The following LRP1B variants were observed in gnomAD, a reference collection of about 807,000 sequenced individuals.
The protein encoded by LRP1B is low-density lipoprotein receptor-related protein 1B.
Under a neutral mutation model 556.6 loss-of-function variants are expected in LRP1B, and 217 were observed. That is an observed-to-expected ratio of 0.39 (90% CI 0.35 to 0.44). The LOEUF is 0.44. Ranked by LOEUF, LRP1B falls within the 20% of genes least tolerant of loss-of-function variation. The pLI is 1.00. For synonymous variants in LRP1B, 2,047 were observed against 1,865.8 expected (o/e 1.10, Z -2.50); for missense variants, 5,053 against 5,620.8 (o/e 0.90, Z 3.23).
At chr2:140,873,227 G>C (rs1012587870) in intron 25 of LRP1B, among the ~76,000 whole-genome samples, 4 of 151,972 alleles carry the variant, frequency 2.6e-5, no homozygotes, top group Admixed American at 2.6e-4. Context: ...ATTTGCCATA[G>C]GGGTTACAAA....
intron 41 of LRP1B, among the ~76,000 whole-genome samples, chr2:140,664,423 C>T (rs1172777428): frequency 2.0e-5 from 3 of 151,964 alleles, no homozygotes; most frequent in African/African-American, 4.8e-5. Flanking sequence ...AGGAATTTCT[C>T]TGTTCAACTA....
At chr2:140,556,451 T>C (rs2105064962) in intron 43 of LRP1B, among the ~76,000 whole-genome samples, 1 of 152,066 alleles carries the variant, frequency 6.6e-6, no homozygotes, top group Admixed American at 6.6e-5. Flanking sequence ...ACCCACACGG[T>C]CCTCCCATCA....
intron 66 of LRP1B, among the ~76,000 whole-genome samples, chr2:140,408,727 A>AAAACCCT (rs1684851399): frequency 6.6e-6 from 1 of 152,014 alleles, no homozygotes; most frequent in Admixed American, 6.6e-5. Context: ...CCTTTGCCAT[A>AAAACCCT]AAACCCTAAA....
intron 3 of LRP1B, among the ~76,000 whole-genome samples, chr2:141,426,969 G>A (rs1042294175): frequency 6.6e-5 from 10 of 152,120 alleles, no homozygotes; most frequent in African/African-American, 2.4e-4. Flanking sequence ...GTGGTTTGCT[G>A]CACCCATCAA....
At chr2:141,435,103 T>C (rs573455118) in intron 3 of LRP1B, among the ~76,000 whole-genome samples, 124 of 152,338 alleles carry the variant, frequency 8.1e-4, no homozygotes, top group African/African-American at 2.8e-3. Context: ...ATGCTCATGA[T>C]CTTACAAATT....
intron 72 of LRP1B, among the ~76,000 whole-genome samples, chr2:140,361,604 T>C (rs1682521574): frequency 6.6e-6 from 1 of 151,080 alleles, no homozygotes; most frequent in Admixed American, 6.6e-5. Context: ...GTTATTACTT[T>C]GGTGTCTCTG....
At chr2:141,482,734 T>C (rs1573998101) in intron 2 of LRP1B, among the ~76,000 whole-genome samples, 1 of 152,198 alleles carries the variant, frequency 6.6e-6, no homozygotes, top group East Asian at 1.9e-4. Flanking sequence ...TTTTTAAAAT[T>C]ACTTGGCTGA....
intron 2 of LRP1B, among the ~76,000 whole-genome samples, chr2:141,645,103 T>C (rs955092180): frequency 1.3e-5 from 2 of 152,232 alleles, no homozygotes; most frequent in Middle Eastern, 3.4e-3. Context: ...TATGGATTTA[T>C]ATTAGGGTAG....
chr2:140,716,451 G>C (rs1016037036), intron 36 of LRP1B, among the ~76,000 whole-genome samples: 2 of 152,008 alleles, frequency 1.3e-5, no homozygotes, highest in African/African-American at 4.8e-5. Context: ...GAGCTCTCAG[G>C]AGATTTGGGC....
intron 84 of LRP1B, among the ~76,000 whole-genome samples, chr2:140,283,772 G>GTT (rs1053876872): frequency 6.1e-4 from 93 of 151,844 alleles, no homozygotes; most frequent in African/African-American, 2.2e-3. Context: ...TCATAACAAT[G>GTT]TTTTAATGAG....
At position 140,702,236 on chromosome 2, in the gene LRP1B, A is replaced by G. The variant is rs1456397821; in HGVS notation, c.6207T>C (p.Leu2069=). The G allele has an allele frequency of 6.2e-7, 1 of 1,613,762 alleles. No individual in the cohort carries two copies. The highest frequency in any genetic ancestry group is 1.3e-5 in the African/African-American group (1 of 75,010). ...CCATCTCGCGATTCCCTCCAGTCTC[A>G]AGGTCGATTCTCTCTATCTTGTCTG... The part of the protein sequence containing the change: ...ARTDKIERID[L]ETGGNREMVL... Residue 2069 remains leucine, a synonymous_variant, in exon 39 of 91, where the codon CTT becomes CTC. Transcript: ENST00000389484.
intron 7 of LRP1B, among the ~76,000 whole-genome samples, chr2:141,073,187 C>T (rs188165166): frequency 2.6e-5 from 4 of 152,196 alleles, no homozygotes; most frequent in Admixed American, 1.3e-4. Flanking sequence ...CTTCCCCTTA[C>T]GCACACTTCC....
chr2:141,409,711 T>C (rs919836854), intron 3 of LRP1B, among the ~76,000 whole-genome samples: 3 of 151,976 alleles, frequency 2.0e-5, no homozygotes, highest in Non-Finnish European at 2.9e-5. Flanking sequence ...AATAAATGAA[T>C]AAAATAATTT....
intron 10 of LRP1B, among the ~76,000 whole-genome samples, chr2:141,051,596 G>A (rs1922709): frequency 0.86 from 130,966 of 151,954 alleles, 56,834 homozygotes; most frequent in Non-Finnish European, 0.91. Flanking sequence ...AAAATGTGAA[G>A]AATATTTCCA....
intron 2 of LRP1B, among the ~76,000 whole-genome samples, chr2:141,609,468 C>A (rs189581475): frequency 3.3e-5 from 5 of 152,258 alleles, no homozygotes; most frequent in Admixed American, 1.3e-4. Flanking sequence ...TTACAACAGT[C>A]TTAAATAACT....
chr2:141,642,952 G>A (rs1428107717), intron 2 of LRP1B, among the ~76,000 whole-genome samples: 1 of 152,054 alleles, frequency 6.6e-6, no homozygotes, highest in Non-Finnish European at 1.5e-5. Context: ...CAATTAAAGG[G>A]TGGGTCGAGA....
chr2:141,303,255 G>C (rs1686461993), intron 3 of LRP1B, among the ~76,000 whole-genome samples: 1 of 152,054 alleles, frequency 6.6e-6, no homozygotes. Flanking sequence ...CCATCACCTT[G>C]AGTACCTATC....
intron 2 of LRP1B, among the ~76,000 whole-genome samples, chr2:141,612,274 A>G (rs1441782777): frequency 6.6e-6 from 1 of 152,182 alleles, no homozygotes; most frequent in African/African-American, 2.4e-5. Context: ...TGGGAACATT[A>G]TACCAATTGT....
chr2:140,316,726 A>G (rs657322), intron 82 of LRP1B, among the ~76,000 whole-genome samples: 15,193 of 152,058 alleles, frequency 0.1, 1,332 homozygotes, highest in African/African-American at 0.23. Flanking sequence ...ACTAGTAAAT[A>G]AGAAATGGGA....
Sources: gnomAD v4.1 joint callset for allele counts (sites outside exome capture counted in the v4.1 genomes callset) on GRCh38, gnomAD v4.1.1 for gene constraint, MANE v1.5 for transcripts, NCBI Gene and HGNC (gene_info 2026-07-23, HGNC 2026-07-21) for gene names.